CNTNAP2: variants seen among roughly 807,000 people sequenced by gnomAD.
CNTNAP2 encodes the protein contactin-associated protein-like 2.
In CNTNAP2, 98 loss-of-function variants were observed where a neutral mutation model predicts 155.2. The ratio of observed to expected loss-of-function variants is 0.63; its 90% CI spans 0.54 to 0.75. CNTNAP2 has a LOEUF of 0.75. Among genes scored for constraint, CNTNAP2 ranks in the 30% least tolerant of loss-of-function variants. The pLI is 0.00. For synonymous variants in CNTNAP2, 651 were observed against 631.2 expected, an observed-to-expected ratio of 1.03 and a Z score of -0.47; for missense variants, 1,727 against 1,688.1, an observed-to-expected ratio of 1.02 and a Z score of -0.40.
chr7:147,069,951 A>T (rs898905977), intron 4 of CNTNAP2, among the ~76,000 whole-genome samples: 1 of 151,884 alleles, frequency 6.6e-6, no homozygotes. Flanking sequence ...GCAGTATTAG[A>T]CAACACAGCA....
chr7:146,936,402 A>C (rs768084720), intron 3 of CNTNAP2, among the ~76,000 whole-genome samples: 3 of 152,170 alleles, frequency 2.0e-5, no homozygotes, highest in Non-Finnish European at 4.4e-5. Context: ...CTCAATCCTC[A>C]TTCCCACCTT....
chr7:146,468,321 T>C (rs1023266300), intron 1 of CNTNAP2, among the ~76,000 whole-genome samples: 2 of 152,030 alleles, frequency 1.3e-5, no homozygotes, highest in African/African-American at 2.4e-5. Flanking sequence ...TGAAAACCTG[T>C]TAAGTACTAT....
chr7:146,257,888 A>ATT lies in CNTNAP2; in HGVS notation c.97+140927_97+140928dup, dbSNP rs57787137. On this transcript the variant is annotated intron_variant, in intron 1 of 23. Coordinates refer to ENST00000361727, the MANE Select transcript of CNTNAP2 (RefSeq NM_014141.6). ...ATTGAGCCGCTTTGATTATCCAGCAATTTTTTTTTTTTTGGAGACGTGGTC... is the reference window on the plus strand; with the variant it reads ...ATTGAGCCGCTTTGATTATCCAGCAATTTTTTTTTTTTTTTGGAGACGTGGTC... 5.7e-3 allele frequency among the ~76,000 whole-genome samples: 834 copies of ATT among 147,236 alleles called. 6 individuals carry two copies. The highest frequency in any genetic ancestry group is 0.019 in the African/African-American group (783 of 40,476).
chr7:146,698,475 C>A (rs1393313984), intron 1 of CNTNAP2, among the ~76,000 whole-genome samples: 1 of 152,106 alleles, frequency 6.6e-6, no homozygotes, highest in Non-Finnish European at 1.5e-5. Context: ...TTTTATACCA[C>A]TCTCTTCTTG....
intron 1 of CNTNAP2, among the ~76,000 whole-genome samples, chr7:146,675,434 A>C (rs374587415): frequency 6.6e-6 from 1 of 152,178 alleles, no homozygotes; most frequent in African/African-American, 2.4e-5. Context: ...TGGCTCCACC[A>C]AGTGACTTGC....
At chr7:146,769,026 C>T (rs1333793380) in intron 1 of CNTNAP2, among the ~76,000 whole-genome samples, 1 of 152,124 alleles carries the variant, frequency 6.6e-6, no homozygotes, top group East Asian at 1.9e-4. Context: ...GTCTATTTGC[C>T]AATAATTTCC....
At chr7:146,860,881 A>G (rs1191762093) in intron 3 of CNTNAP2, among the ~76,000 whole-genome samples, 5 of 152,122 alleles carry the variant, frequency 3.3e-5, no homozygotes, top group Non-Finnish European at 7.3e-5. Flanking sequence ...ATTAATAACC[A>G]TGATGTCTAT....
chr7:147,174,678 TAAG>T (rs1802300017), intron 8 of CNTNAP2, among the ~76,000 whole-genome samples: 1 of 152,070 alleles, frequency 6.6e-6, no homozygotes, highest in Non-Finnish European at 1.5e-5. Context: ...TTTGGCAAAA[TAAG>T]GAGCCTGCAG....
chr7:147,398,966 G>A (rs190760541), intron 10 of CNTNAP2, among the ~76,000 whole-genome samples: 1 of 152,030 alleles, frequency 6.6e-6, no homozygotes, highest in Admixed American at 6.6e-5. Flanking sequence ...AAGGTGTTGA[G>A]TTGTAGTTTA....
At chr7:147,641,216 T>G (rs1795273201) in intron 13 of CNTNAP2, among the ~76,000 whole-genome samples, 1 of 151,556 alleles carries the variant, frequency 6.6e-6, no homozygotes, top group South Asian at 2.1e-4. Context: ...AAATAATTTC[T>G]TAATAATTTC....
chr7:147,073,851 C>A (rs867841242), intron 4 of CNTNAP2, among the ~76,000 whole-genome samples: 1 of 151,986 alleles, frequency 6.6e-6, no homozygotes, highest in Admixed American at 6.6e-5. Context: ...GAAATTTAAA[C>A]CTGGGTGATG....
chr7:147,084,551 T>C (rs1800229239), intron 4 of CNTNAP2, among the ~76,000 whole-genome samples: 1 of 145,414 alleles, frequency 6.9e-6, no homozygotes, highest in African/African-American at 2.5e-5. Flanking sequence ...TATATAATAA[T>C]ATAATAATAT....
chr7:146,978,038 A>C (rs1343350187), intron 3 of CNTNAP2, among the ~76,000 whole-genome samples: 1 of 152,200 alleles, frequency 6.6e-6, no homozygotes, highest in Admixed American at 6.5e-5. Flanking sequence ...AGCAAAAAGC[A>C]CATTCCCTTG....
At chr7:148,388,124 T>C (rs563843520) in intron 22 of CNTNAP2, among the ~76,000 whole-genome samples, 79 of 152,270 alleles carry the variant, frequency 5.2e-4, no homozygotes, top group African/African-American at 1.9e-3. Flanking sequence ...CTGTCTGTGG[T>C]GTAGCTATTC....
intron 8 of CNTNAP2, among the ~76,000 whole-genome samples, chr7:147,258,760 G>A (rs935359105): frequency 1.3e-5 from 2 of 152,142 alleles, no homozygotes; most frequent in Non-Finnish European, 2.9e-5. Context: ...GCAGTTCTTG[G>A]TAACAGTTGT....
At chr7:148,061,990 GATAGATAGATAGATAGATGAT>G (rs1563185530) in intron 15 of CNTNAP2, among the ~76,000 whole-genome samples, 5 of 131,056 alleles carry the variant, frequency 3.8e-5, no homozygotes, top group African/African-American at 1.8e-4. Context: ...TAGATAGATA[GATAGATAGATAGATAGATGAT>G]AGAGAGAGAG....
chr7:147,251,762 T>C (rs1804204120), intron 8 of CNTNAP2, among the ~76,000 whole-genome samples: 1 of 152,160 alleles, frequency 6.6e-6, no homozygotes, highest in African/African-American at 2.4e-5. Context: ...ACAAATAAAA[T>C]GAACCTACTG....
At chr7:146,812,455 T>G (rs1272397560) in intron 2 of CNTNAP2, among the ~76,000 whole-genome samples, 1 of 147,362 alleles carries the variant, frequency 6.8e-6, no homozygotes, top group Non-Finnish European at 1.5e-5. Flanking sequence ...AATATATATA[T>G]ATATATATTT....
chr7:146,925,324 A>G (rs751520064), intron 3 of CNTNAP2, among the ~76,000 whole-genome samples: 18 of 152,154 alleles, frequency 1.2e-4, no homozygotes, highest in Non-Finnish European at 4.4e-5. Context: ...AAAGTTAAAC[A>G]TGAGAATGAA....
Sources: allele counts gnomAD v4.1 joint callset (sites outside exome capture counted in the v4.1 genomes callset), GRCh38; gene constraint gnomAD v4.1.1; transcripts MANE v1.5; gene names NCBI Gene and HGNC (gene_info 2026-07-23, HGNC 2026-07-21).